Variants in ATRNL1 observed in about 807,000 individuals in gnomAD.
ATRNL1 encodes attractin like 1.
In ATRNL1, 95 loss-of-function variants were observed where a neutral mutation model predicts 182.7. The ratio of observed to expected loss-of-function variants is 0.52; its 90% confidence interval spans 0.44 to 0.62. The LOEUF (loss-of-function observed/expected upper bound fraction) is 0.62. Ranked by LOEUF, ATRNL1 falls within the 20% of genes least tolerant of loss-of-function variation. The pLI is 0.00. For missense variants in ATRNL1, 1,471 were observed against 1,679.5 expected (o/e 0.88, Z 2.17); for synonymous variants, 576 against 568.3 (o/e 1.01, Z -0.19).
chr10:115,439,833 A>G (rs538491851), intron 21 of ATRNL1, among the ~76,000 whole-genome samples: 1 of 152,014 alleles, frequency 6.6e-6, no homozygotes, highest in Admixed American at 6.6e-5. Context: ...ACAAATGAGG[A>G]CAGGCTTTGG....
chr10:115,929,206 G>T (rs1555120996), intron 28 of ATRNL1, among the ~76,000 whole-genome samples: 2 of 151,808 alleles, frequency 1.3e-5, no homozygotes, highest in East Asian at 3.9e-4. Context: ...ATTTATAGAT[G>T]CTATGTTTGA....
At chr10:115,739,871 AT>A (rs1208077573) in intron 27 of ATRNL1, among the ~76,000 whole-genome samples, 3 of 152,050 alleles carry the variant, frequency 2.0e-5, no homozygotes, top group Non-Finnish European at 2.9e-5. Flanking sequence ...TGCTTAATAT[AT>A]TTTTTGCTTA....
At chr10:115,474,773 G>A (rs1449312509) in intron 24 of ATRNL1, among the ~76,000 whole-genome samples, 1 of 151,404 alleles carries the variant, frequency 6.6e-6, no homozygotes, top group Non-Finnish European at 1.5e-5. Flanking sequence ...TAAATTTGGT[G>A]ATACAAACAA....
intron 8 of ATRNL1, among the ~76,000 whole-genome samples, chr10:115,206,927 G>C (rs1219212349): frequency 2.0e-5 from 3 of 152,146 alleles, no homozygotes; most frequent in Non-Finnish European, 2.9e-5. Flanking sequence ...CTATGAGTGA[G>C]AACATGCGGT....
intron 28 of ATRNL1, among the ~76,000 whole-genome samples, chr10:115,920,999 T>G (rs1555118596): frequency 6.6e-6 from 1 of 152,220 alleles, no homozygotes; most frequent in African/African-American, 2.4e-5. Context: ...TGAAATCATC[T>G]GAAATTTCCT....
At chr10:115,206,264 G>A (rs1348487356) in intron 8 of ATRNL1, among the ~76,000 whole-genome samples, 1 of 151,998 alleles carries the variant, frequency 6.6e-6, no homozygotes, top group East Asian at 1.9e-4. Flanking sequence ...TTTTTCAACA[G>A]TTTAATTGTT....
intron 27 of ATRNL1, among the ~76,000 whole-genome samples, chr10:115,732,084 T>C (rs1242006746): frequency 6.6e-6 from 1 of 152,210 alleles, no homozygotes; most frequent in African/African-American, 2.4e-5. Flanking sequence ...TTATTTGAGT[T>C]GTTTTCACCT....
At chr10:115,381,660 T>C (rs1267892774) in intron 19 of ATRNL1, among the ~76,000 whole-genome samples, 3 of 151,952 alleles carry the variant, frequency 2.0e-5, no homozygotes, top group Non-Finnish European at 2.9e-5. Flanking sequence ...CATTCTTTAT[T>C]GTCCTCTTAT....
At chr10:115,795,506 C>G in intron 27 of ATRNL1, among the ~76,000 whole-genome samples, 1 of 152,158 alleles carries the variant, frequency 6.6e-6, no homozygotes, top group Non-Finnish European at 1.5e-5. Flanking sequence ...CGTTCTCACA[C>G]TGCTATAAAG....
intron 5 of ATRNL1, among the ~76,000 whole-genome samples, chr10:115,142,998 TAGTG>T (rs1845813542): frequency 6.6e-6 from 1 of 152,092 alleles, no homozygotes; most frequent in Admixed American, 6.5e-5. Flanking sequence ...CAAAAGGAGA[TAGTG>T]AGGAGGCAGT....
At chr10:115,819,240 T>TGG (rs1950237256) in intron 27 of ATRNL1, among the ~76,000 whole-genome samples, 2 of 42,790 alleles carry the variant, frequency 4.7e-5, no homozygotes, top group Non-Finnish European at 6.6e-5. Flanking sequence ...TAGTGTCCCT[T>TGG]TGGCATCTTA....
At chr10:115,349,192 A>G (rs115337311) in intron 19 of ATRNL1, among the ~76,000 whole-genome samples, 9 of 152,288 alleles carry the variant, frequency 5.9e-5, no homozygotes, top group East Asian at 5.8e-4. Context: ...GCTCCCACAT[A>G]TGAATGAGAA....
intron 27 of ATRNL1, among the ~76,000 whole-genome samples, chr10:115,812,371 A>C (rs1263370480): frequency 1.3e-5 from 2 of 152,154 alleles, no homozygotes; most frequent in African/African-American, 4.8e-5. Flanking sequence ...AGTCTCATAC[A>C]TATTTCACAC....
intron 21 of ATRNL1, among the ~76,000 whole-genome samples, chr10:115,450,318 A>G (rs781802699): frequency 2.6e-5 from 4 of 152,298 alleles, no homozygotes; most frequent in East Asian, 3.9e-4. Context: ...AGAGCATCCA[A>G]ATAGGAAGAG....
chr10:115,891,001 G>T (rs905812689), intron 28 of ATRNL1, among the ~76,000 whole-genome samples: 1 of 152,150 alleles, frequency 6.6e-6, no homozygotes, highest in Admixed American at 6.5e-5. Flanking sequence ...CTCTTGTTTG[G>T]CTGTAAGGGT....
At chr10:115,791,379 A>G (rs1054272899) in intron 27 of ATRNL1, among the ~76,000 whole-genome samples, 2 of 152,194 alleles carry the variant, frequency 1.3e-5, no homozygotes, top group Non-Finnish European at 2.9e-5. Flanking sequence ...ACATATGCAC[A>G]GTTTAGAACA....
At chr10:115,626,706 A>G (rs1341159199) in intron 26 of ATRNL1, among the ~76,000 whole-genome samples, 1 of 152,212 alleles carries the variant, frequency 6.6e-6, no homozygotes, top group Non-Finnish European at 1.5e-5. Context: ...TTTGAAAGAA[A>G]AATAGGTGAA....
intron 3 of ATRNL1, among the ~76,000 whole-genome samples, chr10:115,123,305 C>G (rs1003729692): frequency 6.6e-6 from 1 of 152,098 alleles, no homozygotes; most frequent in African/African-American, 2.4e-5. Flanking sequence ...TGGGGGAGTA[C>G]TAAGTACTAT....
At chr10:115,517,549 T>C (rs1411599588) in intron 24 of ATRNL1, among the ~76,000 whole-genome samples, 1 of 151,852 alleles carries the variant, frequency 6.6e-6, no homozygotes, top group Non-Finnish European at 1.5e-5. Flanking sequence ...TTTTATGTTA[T>C]GTTTATTATT....
Sources: gnomAD v4.1 joint callset for allele counts (sites outside exome capture counted in the v4.1 genomes callset) on GRCh38, gnomAD v4.1.1 for gene constraint, MANE v1.5 for transcripts, NCBI Gene and HGNC (gene_info 2026-07-23, HGNC 2026-07-21) for gene names.